The following NEDD9 variants were observed in gnomAD, a reference collection of about 807,000 sequenced individuals.
The protein encoded by NEDD9 is enhancer of filamentation 1.
A neutral mutation model predicts 76.6 loss-of-function variants in NEDD9; 26 were observed. That is an observed-to-expected ratio of 0.34 (90% CI 0.25 to 0.47). The LOEUF is 0.47. Ranked by LOEUF, NEDD9 falls within the 20% of genes least tolerant of loss-of-function variation. The probability of loss-of-function intolerance (pLI) is 1.00; values close to 1 mark genes in which losing one functional copy is unlikely to be tolerated. For missense variants in NEDD9, 937 were observed against 1,058.5 expected (o/e 0.89, Z 1.59); for synonymous variants, 392 against 414.2 (o/e 0.95, Z 0.65).
intron 3 of NEDD9, among the ~76,000 whole-genome samples, chr6:11,300,943 A>G (rs1761031202): frequency 6.6e-6 from 1 of 152,254 alleles, no homozygotes; most frequent in South Asian, 2.1e-4. Context: ...TGATGCTATG[A>G]AGAAACTGCA....
At chr6:11,301,835 A>G (rs1397176064) in intron 3 of NEDD9, among the ~76,000 whole-genome samples, 3 of 152,248 alleles carry the variant, frequency 2.0e-5, no homozygotes, top group African/African-American at 7.2e-5. Flanking sequence ...AAGATGCAAC[A>G]CACCAGAATC....
intron 3 of NEDD9, among the ~76,000 whole-genome samples, chr6:11,253,147 C>A (rs1759943008): frequency 6.6e-6 from 1 of 152,118 alleles, no homozygotes; most frequent in Non-Finnish European, 1.5e-5. Flanking sequence ...AAAGAAAACG[C>A]TTGGATTTTA....
intron 3 of NEDD9, among the ~76,000 whole-genome samples, chr6:11,284,042 G>T (rs989249751): frequency 6.6e-6 from 1 of 152,172 alleles, no homozygotes; most frequent in Admixed American, 6.5e-5. Context: ...TCTAAGGATT[G>T]CAGGAGCAAT....
At chr6:11,290,227 A>C (rs575478377) in intron 3 of NEDD9, among the ~76,000 whole-genome samples, 2 of 152,324 alleles carry the variant, frequency 1.3e-5, no homozygotes, top group African/African-American at 4.8e-5. Context: ...AACTATGAGC[A>C]GGACAACCTT....
At chr6:11,286,582 G>A (rs1408616002) in intron 3 of NEDD9, among the ~76,000 whole-genome samples, 1 of 152,114 alleles carries the variant, frequency 6.6e-6, no homozygotes, top group Non-Finnish European at 1.5e-5. Flanking sequence ...TCTATCAAAG[G>A]TGAATGGATA....
chr6:11,223,267 C>T (rs1167974974), intron 1 of NEDD9, among the ~76,000 whole-genome samples: 1 of 152,116 alleles, frequency 6.6e-6, no homozygotes, highest in African/African-American at 2.4e-5. Flanking sequence ...GCCTTTTGTG[C>T]CTCTGTTTCC....
intron 2 of NEDD9, among the ~76,000 whole-genome samples, chr6:11,315,057 G>A (rs1410950969): frequency 2.6e-5 from 4 of 152,202 alleles, no homozygotes; most frequent in East Asian, 1.9e-4. Context: ...TGATGGTTCT[G>A]CCTTAGGGTA....
At chr6:11,291,666 A>T (rs1017160928) in intron 3 of NEDD9, among the ~76,000 whole-genome samples, 3 of 152,216 alleles carry the variant, frequency 2.0e-5, no homozygotes, top group Non-Finnish European at 4.4e-5. Flanking sequence ...TAAATGAGCC[A>T]GTGAAAACCC....
chr6:11,356,432 A>T (rs1172902391), intron 1 of NEDD9, among the ~76,000 whole-genome samples: 1 of 152,216 alleles, frequency 6.6e-6, no homozygotes, highest in Non-Finnish European at 1.5e-5. Flanking sequence ...GCTAACTATC[A>T]TTAATAATAT....
intron 2 of NEDD9, among the ~76,000 whole-genome samples, chr6:11,334,254 A>G (rs889802280): frequency 6.6e-6 from 1 of 152,234 alleles, no homozygotes; most frequent in East Asian, 1.9e-4. Context: ...CATTAATAAG[A>G]ATGCTTATTT....
At chr6:11,327,247 C>T (rs1318110966) in intron 2 of NEDD9, among the ~76,000 whole-genome samples, 3 of 152,180 alleles carry the variant, frequency 2.0e-5, no homozygotes, top group Non-Finnish European at 2.9e-5. Flanking sequence ...CCACTAAGGA[C>T]CTCTTACTAA....
intron 1 of NEDD9, among the ~76,000 whole-genome samples, chr6:11,350,630 G>A (rs1273926653): frequency 8.5e-5 from 13 of 152,202 alleles, no homozygotes; most frequent in Non-Finnish European, 2.9e-5. Context: ...AGGTCGGCGA[G>A]CTTGGTCTTC....
At chr6:11,239,071 G>T (rs919956286) in intron 3 of NEDD9, among the ~76,000 whole-genome samples, 25 of 152,138 alleles carry the variant, frequency 1.6e-4, no homozygotes, top group South Asian at 4.2e-4. Flanking sequence ...GGAGGCTGAG[G>T]GGGGAGGATC....
chr6:11,188,109 C>A (rs560640664), intron 6 of NEDD9, 109 bp downstream of exon 6: 23 of 871,996 alleles, frequency 2.6e-5, no homozygotes, highest in South Asian at 2.1e-4. Flanking sequence ...TGATTCCTGC[C>A]AGTGAGCTGG....
chr6:11,316,290 A>G (rs181835382), intron 2 of NEDD9, among the ~76,000 whole-genome samples: 26 of 152,210 alleles, frequency 1.7e-4, no homozygotes, highest in African/African-American at 6.3e-4. Flanking sequence ...TGCTTTGAGG[A>G]AAGTCAGGAT....
intron 1 of NEDD9, among the ~76,000 whole-genome samples, chr6:11,363,485 A>C (rs867881972): frequency 1.3e-5 from 2 of 152,172 alleles, no homozygotes; most frequent in South Asian, 2.1e-4. Flanking sequence ...ATGGGGGGGA[A>C]GTCTGAAATA....
intron 3 of NEDD9, among the ~76,000 whole-genome samples, chr6:11,239,853 G>A (rs549555513): frequency 1.4e-3 from 217 of 152,104 alleles, no homozygotes; most frequent in African/African-American, 4.9e-3. Flanking sequence ...AGACCATCCT[G>A]GCCAACATGG....
chr6:11,220,063 A>G (rs576396705), intron 1 of NEDD9, among the ~76,000 whole-genome samples: 222 of 152,250 alleles, frequency 1.5e-3, no homozygotes, highest in African/African-American at 5.2e-3. Context: ...TCCCAGTACT[A>G]TTTGTCGACT....
intron 3 of NEDD9, among the ~76,000 whole-genome samples, chr6:11,245,229 C>T (rs1241304225): frequency 6.6e-6 from 1 of 152,160 alleles, no homozygotes; most frequent in Non-Finnish European, 1.5e-5. Context: ...AGAAATGAGA[C>T]TTATGTATTA....
Sources: allele counts gnomAD v4.1 joint callset (sites outside exome capture counted in the v4.1 genomes callset), GRCh38; gene constraint gnomAD v4.1.1; transcripts MANE v1.5; gene names NCBI Gene and HGNC (gene_info 2026-07-23, HGNC 2026-07-21).